The following PPARGC1A variants were observed in gnomAD, a reference collection of about 807,000 sequenced individuals.
PPARGC1A encodes the protein PPARG coactivator 1 alpha.
Under a neutral mutation model 88.7 loss-of-function variants are expected in PPARGC1A, and 25 were observed. That is an observed-to-expected ratio of 0.28 (90% confidence interval 0.21 to 0.39). PPARGC1A has a LOEUF of 0.39. PPARGC1A is among the 10% of genes least tolerant of loss of function. The pLI is 1.00. For missense variants in PPARGC1A, 880 were observed against 968.7 expected (o/e 0.91, Z 1.22); for synonymous variants, 363 against 355.6 (o/e 1.02, Z -0.24).
chr4:24,265,509 A>G, the PPARGC1A span, among the ~76,000 whole-genome samples: 1 of 152,112 alleles, frequency 6.6e-6, no homozygotes, highest in East Asian at 1.9e-4. Context: ...GCTTAAAGTC[A>G]CCCTGGGTTT....
chr4:24,025,926 A>C, the PPARGC1A span, among the ~76,000 whole-genome samples: 1 of 152,156 alleles, frequency 6.6e-6, no homozygotes, highest in Non-Finnish European at 1.5e-5. Context: ...CTGTTTTCCA[A>C]AGATTCTTTC....
the PPARGC1A span, among the ~76,000 whole-genome samples, chr4:24,395,566 T>G: frequency 6.6e-6 from 1 of 152,234 alleles, no homozygotes; most frequent in Non-Finnish European, 1.5e-5. Context: ...TGAATCATTC[T>G]GAAGACAAAA....
the PPARGC1A span, among the ~76,000 whole-genome samples, chr4:24,387,766 G>GAGAGAGAAAGAAAGAA: frequency 1.9e-5 from 1 of 52,078 alleles, no homozygotes; most frequent in African/African-American, 8.6e-5. Flanking sequence ...GAGAGAGAGA[G>GAGAGAGAAAGAAAGAA]AGAAAGAAAG....
At chr4:24,295,451 G>A in the PPARGC1A span, among the ~76,000 whole-genome samples, 1 of 152,080 alleles carries the variant, frequency 6.6e-6, no homozygotes, top group Non-Finnish European at 1.5e-5. Context: ...AGGTAAAACA[G>A]GATGCTATTG....
chr4:23,936,363 G>C, the PPARGC1A span, among the ~76,000 whole-genome samples: 1 of 152,176 alleles, frequency 6.6e-6, no homozygotes, highest in South Asian at 2.1e-4. Context: ...CAGGCAATCT[G>C]GTTTTAGGTT....
At chr4:23,892,197 T>C (rs1024281941), upstream of PPARGC1A, among the ~76,000 whole-genome samples, 19 of 152,324 alleles carry the variant, frequency 1.2e-4, no homozygotes, top group African/African-American at 4.6e-4. Context: ...AGGGTTTTCT[T>C]ATTTTTTGCC....
chr4:24,143,021 T>C, the PPARGC1A span, among the ~76,000 whole-genome samples: 8 of 152,108 alleles, frequency 5.3e-5, no homozygotes, highest in Non-Finnish European at 1.0e-4. Context: ...TATTATTACG[T>C]GGGGAACAAA....
At chr4:24,113,137 A>G in the PPARGC1A span, among the ~76,000 whole-genome samples, 2 of 152,150 alleles carry the variant, frequency 1.3e-5, no homozygotes, top group Non-Finnish European at 2.9e-5. Context: ...AATTTCCAAA[A>G]TATATTAGGG....
the PPARGC1A span, among the ~76,000 whole-genome samples, chr4:24,218,023 T>G: frequency 6.6e-6 from 1 of 152,284 alleles, no homozygotes; most frequent in African/African-American, 2.4e-5. Context: ...AGGAAGGTAC[T>G]TGTAATATTC....
the PPARGC1A span, among the ~76,000 whole-genome samples, chr4:24,460,788 G>A: frequency 2.6e-5 from 4 of 152,094 alleles, no homozygotes; most frequent in African/African-American, 7.2e-5. Context: ...AATTTCTGAC[G>A]CTATTTCACT....
At chr4:24,291,137 C>T in the PPARGC1A span, among the ~76,000 whole-genome samples, 1 of 152,152 alleles carries the variant, frequency 6.6e-6, no homozygotes, top group African/African-American at 2.4e-5. Context: ...AGCATTCCAC[C>T]CAATTGCCAA....
the PPARGC1A span, among the ~76,000 whole-genome samples, chr4:24,050,846 C>T: frequency 3.9e-5 from 6 of 152,130 alleles, no homozygotes; most frequent in Non-Finnish European, 7.3e-5. Flanking sequence ...AGCCTTGCTA[C>T]GAAATCCAAT....
At chr4:24,346,284 G>T in the PPARGC1A span, among the ~76,000 whole-genome samples, 53 of 152,218 alleles carry the variant, frequency 3.5e-4, no homozygotes, top group African/African-American at 1.2e-3. Context: ...TTAGGGTAAT[G>T]CTGGCTTCAT....
the PPARGC1A span, among the ~76,000 whole-genome samples, chr4:24,183,826 A>G: frequency 2.6e-5 from 4 of 152,212 alleles, no homozygotes; most frequent in African/African-American, 4.8e-5. Flanking sequence ...TTTTAATAAA[A>G]TGTTACAGTA....
the PPARGC1A span, among the ~76,000 whole-genome samples, chr4:24,180,154 G>A: frequency 0.99 from 151,355 of 152,328 alleles, 75,202 homozygotes; most frequent in East Asian, 1. Flanking sequence ...TATATAACAT[G>A]TATAACATTA....
chr4:24,305,314 C>T, the PPARGC1A span, among the ~76,000 whole-genome samples: 2 of 151,600 alleles, frequency 1.3e-5, no homozygotes, highest in Non-Finnish European at 2.9e-5. Context: ...AAACAAAAAA[C>T]ATGACTTTGA....
At chr4:24,362,806 T>C in the PPARGC1A span, among the ~76,000 whole-genome samples, 1 of 152,200 alleles carries the variant, frequency 6.6e-6, no homozygotes, top group Admixed American at 6.6e-5. Context: ...CACTTGAATT[T>C]AGGCAGAAGG....
chr4:24,209,560 A>ACTGCTGAGAAGTCCTGCCCTAAAGTATC, the PPARGC1A span, among the ~76,000 whole-genome samples: 2 of 152,194 alleles, frequency 1.3e-5, no homozygotes, highest in African/African-American at 4.8e-5. Context: ...GAATAGTGCT[A>ACTGCTGAGAAGTCCTGCCCTAAAGTATC]CTGCTGAGAA....
At position 23,814,718 on chromosome 4, in the gene PPARGC1A, G is replaced by A. The variant is rs1442861076; in HGVS notation, c.878-113C>T. ...TAATTTTTCCAAGATTTCAGACAAG[G>A]GTTCAAACTGAGTGAAGAAGAAGGA... On this transcript the variant is annotated intron_variant, in intron 7 of 12. Coordinates refer to ENST00000264867, the MANE Select transcript of PPARGC1A (RefSeq NM_013261.5). 8.9e-6 allele frequency: 9 copies of A among 1,013,272 alleles called. No homozygotes were observed. In the East Asian group the frequency reaches 1.9e-4, roughly 21 times the overall value. 62.8% of individuals were successfully genotyped at this position (1,013,272 alleles called of 1,614,324 possible). A position where few individuals can be genotyped will look rare whatever the true frequency, so the allele number is the denominator to read the frequency against.
Sources: gnomAD v4.1 joint callset for allele counts (sites outside exome capture counted in the v4.1 genomes callset) on GRCh38, gnomAD v4.1.1 for gene constraint, MANE v1.5 for transcripts, NCBI Gene and HGNC (gene_info 2026-07-23, HGNC 2026-07-21) for gene names.